The following SCAI variants were observed in gnomAD, a reference collection of about 807,000 sequenced individuals.
The protein encoded by SCAI is suppressor of cancer cell invasion.
Under a neutral mutation model 92.2 loss-of-function variants are expected in SCAI, and 24 were observed. The ratio of observed to expected loss-of-function variants is 0.26; its 90% CI spans 0.19 to 0.37. The LOEUF is 0.37. Ranked by LOEUF, SCAI falls within the 10% of genes least tolerant of loss-of-function variation. The probability of loss-of-function intolerance (pLI) is 1.00; values close to 1 mark genes in which losing one functional copy is unlikely to be tolerated. For synonymous variants in SCAI, 261 were observed against 258.6 expected (o/e 1.01, Z -0.09); for missense variants, 450 against 736.2 (o/e 0.61, Z 4.50).
At chr9:125,013,764 A>G (rs1247698954) in intron 9 of SCAI, among the ~76,000 whole-genome samples, 53 of 152,218 alleles carry the variant, frequency 3.5e-4, no homozygotes, top group East Asian at 1.7e-3. Flanking sequence ...GATGAACATC[A>G]ATGCAAAAAT....
chr9:125,034,981 A>G (rs771870792), intron 3 of SCAI, among the ~76,000 whole-genome samples: 5 of 152,242 alleles, frequency 3.3e-5, no homozygotes, highest in Admixed American at 6.5e-5. Context: ...ATATTTAACT[A>G]TGATTATAGC....
At chr9:124,982,150 G>A (rs745641844) in intron 14 of SCAI, among the ~76,000 whole-genome samples, 5 of 152,254 alleles carry the variant, frequency 3.3e-5, no homozygotes, top group Admixed American at 6.5e-5. Context: ...TTTACTGAGT[G>A]CTATTTTCCA....
intron 2 of SCAI, among the ~76,000 whole-genome samples, chr9:125,097,433 G>A (rs777861543): frequency 2.8e-4 from 42 of 151,824 alleles, no homozygotes; most frequent in Middle Eastern, 3.4e-3. Context: ...ACTCCGTCTC[G>A]GGGAAAAAGT....
intron 2 of SCAI, among the ~76,000 whole-genome samples, chr9:125,118,709 C>A (rs1430394431): frequency 6.6e-6 from 1 of 152,100 alleles, no homozygotes; most frequent in East Asian, 1.9e-4. Flanking sequence ...TCACCACCCC[C>A]ACCCCACATG....
intron 9 of SCAI, among the ~76,000 whole-genome samples, chr9:125,014,234 C>A (rs1273770182): frequency 2.6e-5 from 4 of 152,256 alleles, no homozygotes; most frequent in African/African-American, 9.6e-5. Flanking sequence ...AAGAGGAAGT[C>A]AAATTGTCCC....
At chr9:125,017,274 GT>G (rs1832779519) in intron 9 of SCAI, among the ~76,000 whole-genome samples, 1 of 151,802 alleles carries the variant, frequency 6.6e-6, no homozygotes. Context: ...GGTCTCTTTT[GT>G]TTTTAGTCAT....
chr9:125,005,617 C>T (rs1423088287), intron 9 of SCAI, among the ~76,000 whole-genome samples: 2 of 152,128 alleles, frequency 1.3e-5, no homozygotes, highest in African/African-American at 4.8e-5. Flanking sequence ...AGGCATGAGC[C>T]ACTGCGCCCA....
chr9:125,113,500 A>G (rs1395907354), intron 2 of SCAI, among the ~76,000 whole-genome samples: 1 of 152,188 alleles, frequency 6.6e-6, no homozygotes, highest in Admixed American at 6.6e-5. Context: ...CAGAAAAAGG[A>G]TATTAGGTAA....
intron 2 of SCAI, among the ~76,000 whole-genome samples, chr9:125,057,668 G>A (rs1319975394): frequency 2.6e-5 from 4 of 152,194 alleles, no homozygotes; most frequent in South Asian, 2.1e-4. Flanking sequence ...GTTGAAGGCC[G>A]AGTGTGGAGG....
At chr9:124,993,228 T>TTTTCA (rs1832170060) in intron 14 of SCAI, among the ~76,000 whole-genome samples, 1 of 152,250 alleles carries the variant, frequency 6.6e-6, no homozygotes, top group African/African-American at 2.4e-5. Flanking sequence ...CCAATAAACC[T>TTTTCA]TTTCATTCAG....
At chr9:125,032,947 T>A (rs1588165406) in intron 3 of SCAI, among the ~76,000 whole-genome samples, 1 of 152,300 alleles carries the variant, frequency 6.6e-6, no homozygotes, top group Non-Finnish European at 1.5e-5. Context: ...GTGCTAATAA[T>A]TATGAAGGCC....
chr9:124,994,373 A>C (rs1345305648), intron 14 of SCAI, among the ~76,000 whole-genome samples: 1 of 152,098 alleles, frequency 6.6e-6, no homozygotes, highest in Non-Finnish European at 1.5e-5. Flanking sequence ...GAAAATCATC[A>C]CTTCAATAGT....
Position 124,972,176 on chromosome 9 carries a change from G to A in SCAI, c.1400-332C>T, listed in dbSNP as rs561725081. Among the ~76,000 whole-genome samples, 31 of 152,088 alleles carry A rather than the reference G, an allele frequency of 2.0e-4. No homozygotes were observed. In the South Asian group the frequency reaches 2.1e-3, roughly 10 times the overall value. ...GAATTCTCTGATGAGTGCTACAAAC[G>A]CCAGTCTTTTTCATTCTCTTCTGAG... is the stretch of plus-strand genomic sequence containing the variant. On this transcript the variant is annotated intron_variant, in intron 15 of 17. Coordinates refer to ENST00000336505, the MANE Select transcript of SCAI (RefSeq NM_001144877.3).
At chr9:125,033,882 T>C (rs1480993607) in intron 3 of SCAI, among the ~76,000 whole-genome samples, 2 of 152,234 alleles carry the variant, frequency 1.3e-5, no homozygotes, top group Non-Finnish European at 2.9e-5. Flanking sequence ...GATGAGACAT[T>C]TCAAGAAACT....
intron 13 of SCAI, among the ~76,000 whole-genome samples, chr9:124,996,323 A>G (rs1832240072): frequency 6.6e-6 from 1 of 152,084 alleles, no homozygotes; most frequent in African/African-American, 2.4e-5. Context: ...GTTGTTTGAG[A>G]TGGGGTCTCA....
At chr9:125,085,339 T>C (rs1834304977) in intron 2 of SCAI, among the ~76,000 whole-genome samples, 1 of 151,926 alleles carries the variant, frequency 6.6e-6, no homozygotes, top group Non-Finnish European at 1.5e-5. Context: ...ATACAAAAAT[T>C]AGCCTTGCGT....
In SCAI at chr9:124,950,914, C is replaced by T. The variant is rs1220429452; in HGVS notation, c.*1893G>A. The T allele has an allele frequency of 6.6e-6, 1 of 151,654 alleles. No homozygotes were observed. The highest frequency in any genetic ancestry group is 1.9e-4 in the East Asian group (1 of 5,158). The allele number at this position is 151,654 out of a possible 1,614,324, so 9.4% of individuals were successfully genotyped here. On this transcript the variant is annotated 3_prime_UTR_variant, in exon 18 of 18. Coordinates refer to ENST00000336505, the MANE Select transcript of SCAI (RefSeq NM_001144877.3). Reference sequence around the variant, plus strand: ...AAATTAAAAAATAAAGAAAATTAGCCAGGCATGGTGGCGCATGCCTGTAGT... The same window carrying T: ...AAATTAAAAAATAAAGAAAATTAGCTAGGCATGGTGGCGCATGCCTGTAGT...
intron 17 of SCAI, chr9:124,971,116 G>A (rs1255394287): frequency 4.8e-6 from 1 of 208,152 alleles, no homozygotes. Flanking sequence ...CGGCCAGCCA[G>A]AAAATGTTCT....
intron 2 of SCAI, among the ~76,000 whole-genome samples, chr9:125,129,313 C>T (rs1378582437): frequency 2.7e-5 from 4 of 150,716 alleles, no homozygotes; most frequent in African/African-American, 7.3e-5. Flanking sequence ...TGGTGGTGCA[C>T]GCCTGTAATC....
Sources: gnomAD v4.1 joint callset for allele counts (sites outside exome capture counted in the v4.1 genomes callset) on GRCh38, gnomAD v4.1.1 for gene constraint, MANE v1.5 for transcripts, NCBI Gene and HGNC (gene_info 2026-07-23, HGNC 2026-07-21) for gene names.